ABHD12: variants seen among roughly 807,000 people sequenced by gnomAD.
ABHD12 encodes lysophosphatidylserine lipase ABHD12.
A neutral mutation model predicts 58.3 loss-of-function variants in ABHD12; 43 were observed. The ratio of observed to expected loss-of-function variants is 0.74; its 90% CI spans 0.58 to 0.95. The LOEUF is 0.95. Among genes scored for constraint, ABHD12 ranks in the 40% least tolerant of loss-of-function variants. The probability of loss-of-function intolerance (pLI) is 0.00; values close to 1 mark genes in which losing one functional copy is unlikely to be tolerated. For missense variants in ABHD12, 539 were observed against 537.2 expected (o/e 1.00, Z -0.03); for synonymous variants, 219 against 211.2 (o/e 1.04, Z -0.32).
intron 1 of ABHD12, among the ~76,000 whole-genome samples, chr20:25,349,828 T>C (rs2089574268): frequency 6.6e-6 from 1 of 152,238 alleles, no homozygotes; most frequent in Admixed American, 6.5e-5. Context: ...ATGGTGGTGA[T>C]GTTTGCACAA....
chr20:25,296,284 AAC>A, downstream of ABHD12: 2 of 1,526,826 alleles, frequency 1.3e-6, no homozygotes, highest in Non-Finnish European at 9.1e-7. Flanking sequence ...CTCATTTGGA[AAC>A]AGTCCTAAAG....
At chr20:25,302,164 G>C in intron 12 of ABHD12, 55 bp downstream of exon 12, 1 of 1,610,960 alleles carries the variant, frequency 6.2e-7, no homozygotes, top group Non-Finnish European at 8.5e-7. Flanking sequence ...CTGCACGTTA[G>C]GTGTGAGCCA....
chr20:25,302,228 C>T lies in ABHD12; in HGVS notation c.1148G>A (p.Arg383Gln), dbSNP rs139135254. Reference protein sequence around the residue: ...KYIYKSPELPRILREFLGKSE... With the variant: ...KYIYKSPELPQILREFLGKSE... ...GAAGAGAATGTCTCACCTCAGTATC[C>T]GTGGCAGCTCAGGGCTCTTGTAAAT... The change falls in exon 12 of 13, where the codon CGG (arginine) becomes CAG (glutamine). Residue 383 changes from arginine (R) to glutamine (Q), a missense_variant. Transcript: ENST00000339157. 1.0e-4 allele frequency: 166 copies of T among 1,613,362 alleles called. No homozygotes were observed. In the African/African-American group the frequency reaches 1.7e-3, roughly 16 times the overall value.
At chr20:25,302,988 A>G (rs1018296884) in intron 11 of ABHD12, among the ~76,000 whole-genome samples, 1 of 152,192 alleles carries the variant, frequency 6.6e-6, no homozygotes, top group East Asian at 1.9e-4. Context: ...TGAGCCACAA[A>G]TCCAATCCAA....
intron 1 of ABHD12, among the ~76,000 whole-genome samples, chr20:25,342,752 G>A (rs1316703555): frequency 1.3e-5 from 2 of 151,940 alleles, no homozygotes; most frequent in East Asian, 3.9e-4. Context: ...TACCCAGCCA[G>A]GTTTATTTTT....
Position 25,359,143 on chromosome 20 carries a change from C to T in ABHD12, c.192-19792G>A, listed in dbSNP as rs140523206. Among the ~76,000 whole-genome samples the T allele has an allele frequency of 2.4e-3, 358 of 151,654 alleles. 2 individuals are homozygous for T. Among genetic ancestry groups the T allele is most frequent in the Admixed American group, 3.5e-3 (53 of 15,226 alleles). Reference sequence around the variant, plus strand: ...AATTGCATATAACATTTCTATTGGCCGGGCGTGGTGGCTCACGCTTGTAAT... The same window carrying T: ...AATTGCATATAACATTTCTATTGGCTGGGCGTGGTGGCTCACGCTTGTAAT... On this transcript the variant is annotated intron_variant, in intron 1 of 12. Transcript: ENST00000339157.
intron 1 of ABHD12, among the ~76,000 whole-genome samples, chr20:25,358,033 C>T (rs559731469): frequency 6.6e-6 from 1 of 152,102 alleles, no homozygotes; most frequent in African/African-American, 2.4e-5. Context: ...AATAATAATA[C>T]CATCTAATGA....
chr20:25,302,276 T>A lies in ABHD12; in HGVS notation c.1100A>T (p.Asp367Val), dbSNP rs1288949576. The change falls in exon 12 of 13, where the codon GAC becomes GTC. Residue 367 changes from aspartate (D) to valine (V), a missense_variant. Coordinates refer to ENST00000339157, the MANE Select transcript of ABHD12 (RefSeq NM_001042472.3). ...AATGTATTTGTGCCTGTAGCCAAGGTCTGAATGAAAGGGCACAAACTGAAC... is the reference window on the plus strand; with the variant it reads ...AATGTATTTGTGCCTGTAGCCAAGGACTGAATGAAAGGGCACAAACTGAAC... The part of the protein sequence containing the change: ...FKVQFVPFHS[D>V]LGYRHKYIYK... The A allele has an allele frequency of 6.2e-7, 1 of 1,613,798 alleles. No homozygotes were observed. Among genetic ancestry groups the A allele is most frequent in the South Asian group, 1.1e-5 (1 of 91,050 alleles).
At chr20:25,371,219 A>G (rs746290095) in intron 1 of ABHD12, among the ~76,000 whole-genome samples, 1 of 152,104 alleles carries the variant, frequency 6.6e-6, no homozygotes, top group Non-Finnish European at 1.5e-5. Flanking sequence ...AGGAGTGTCT[A>G]TGTCCCCTCT....
downstream of ABHD12, chr20:25,298,109 C>CCAGT (rs2088578912): frequency 6.6e-6 from 1 of 152,206 alleles, no homozygotes; most frequent in South Asian, 2.1e-4. Flanking sequence ...CAGGGTGGTG[C>CCAGT]CAGTGCAGGG....
At position 25,302,247 on chromosome 20, in the gene ABHD12, T is replaced by A. The variant is rs752254456; in HGVS notation, c.1129A>T (p.Lys377Ter). ...AGTATCCGTGGCAGCTCAGGGCTCT[T>A]GTAAATGTATTTGTGCCTGTAGCCA... ...DLGYRHKYIY[K>*]SPELPRILRE... The change falls in exon 12 of 13, where the codon AAG becomes TAG. Residue 377 changes from lysine to a stop codon, truncating the protein, a stop_gained. Transcript: ENST00000339157. LOFTEE classifies it high-confidence loss of function. The A allele has an allele frequency of 3.1e-6, 5 of 1,613,508 alleles. No homozygotes were observed. Among genetic ancestry groups the A allele is most frequent in the Non-Finnish European group, 3.4e-6 (4 of 1,179,952 alleles).
chr20:25,324,545 C>T (rs1465658340), intron 2 of ABHD12, among the ~76,000 whole-genome samples: 1 of 152,226 alleles, frequency 6.6e-6, no homozygotes, highest in African/African-American at 2.4e-5. Flanking sequence ...GGCCTGGCTT[C>T]CCTCTGGTGG....
chr20:25,353,819 C>T (rs911684259), intron 1 of ABHD12, among the ~76,000 whole-genome samples: 3 of 152,228 alleles, frequency 2.0e-5, no homozygotes, highest in Admixed American at 6.5e-5. Flanking sequence ...GCCTTCCTGG[C>T]CTTTCCTTCT....
intron 1 of ABHD12, among the ~76,000 whole-genome samples, chr20:25,359,752 T>G (rs1279459135): frequency 6.6e-6 from 1 of 152,036 alleles, no homozygotes; most frequent in African/African-American, 2.4e-5. Flanking sequence ...TTATTTTTAG[T>G]AGAAACAGGG....
chr20:25,307,392 G>A (rs1030647202), intron 9 of ABHD12, among the ~76,000 whole-genome samples: 6 of 152,270 alleles, frequency 3.9e-5, no homozygotes, highest in African/African-American at 1.2e-4. Context: ...ACACAGGCCC[G>A]AGAATCCATG....
At chr20:25,334,043 G>A (rs915156464) in intron 2 of ABHD12, among the ~76,000 whole-genome samples, 1 of 152,040 alleles carries the variant, frequency 6.6e-6, no homozygotes, top group Admixed American at 6.6e-5. Flanking sequence ...TGACATGATG[G>A]TATATCTAGA....
rs887641418 is a variant in ABHD12 at position 25,322,637 on chromosome 20, G to A, written c.422+688C>T. Reference sequence around the variant, plus strand: ...TGATCTCAAGTGATCCACCCGTCTCGGCCTCCCAAAGTGCTGGGATTACAG... The same window carrying A: ...TGATCTCAAGTGATCCACCCGTCTCAGCCTCCCAAAGTGCTGGGATTACAG... On this transcript the variant is annotated intron_variant, in intron 3 of 12. Transcript: ENST00000339157. Among the ~76,000 whole-genome samples the A allele has an allele frequency of 5.8e-4, 87 of 150,822 alleles. 1 individual carries two copies. Among genetic ancestry groups the A allele is most frequent in the Admixed American group, 5.5e-3 (83 of 15,118 alleles).
chr20:25,388,432 A>G (rs1480385600), intron 1 of ABHD12, among the ~76,000 whole-genome samples: 2 of 152,168 alleles, frequency 1.3e-5, no homozygotes, highest in African/African-American at 4.8e-5. Context: ...AAAAATTACA[A>G]TCTCGAGTGA....
At chr20:25,379,321 C>T (rs971532881) in intron 1 of ABHD12, among the ~76,000 whole-genome samples, 5 of 152,204 alleles carry the variant, frequency 3.3e-5, no homozygotes, top group Non-Finnish European at 7.3e-5. Context: ...ACTGCGCCCA[C>T]GTGGGGAACT....
Sources: allele counts gnomAD v4.1 joint callset (sites outside exome capture counted in the v4.1 genomes callset), GRCh38; gene constraint gnomAD v4.1.1; transcripts MANE v1.5; gene names NCBI Gene and HGNC (gene_info 2026-07-23, HGNC 2026-07-21).